The following GRM3 variants were observed in gnomAD, a reference collection of about 807,000 sequenced individuals.
The protein encoded by GRM3 is glutamate metabotropic receptor 3.
Under a neutral mutation model 70.5 loss-of-function variants are expected in GRM3, and 26 were observed. The ratio of observed to expected loss-of-function variants is 0.37; its 90% confidence interval spans 0.27 to 0.51. GRM3 has a LOEUF of 0.51. GRM3 is among the 20% of genes least tolerant of loss of function. The pLI, the probability that GRM3 is intolerant of heterozygous loss-of-function variation, is 0.93. For synonymous variants in GRM3, 443 were observed against 434.9 expected (o/e 1.02, Z -0.23); for missense variants, 859 against 1,123.8 (o/e 0.76, Z 3.37).
At chr7:86,734,235 A>C (rs1470990267) in intron 1 of GRM3, among the ~76,000 whole-genome samples, 4 of 152,176 alleles carry the variant, frequency 2.6e-5, no homozygotes, top group African/African-American at 9.7e-5. Flanking sequence ...GTGTTGAAAA[A>C]TCAGTTAAGC....
chr7:86,780,004 G>A (rs938836870), intron 2 of GRM3, among the ~76,000 whole-genome samples: 1 of 130,560 alleles, frequency 7.7e-6, no homozygotes, highest in African/African-American at 3.5e-5. Flanking sequence ...ATAGTTTGCT[G>A]AGAATGATGG....
At chr7:86,798,253 A>C (rs920040511) in intron 3 of GRM3, among the ~76,000 whole-genome samples, 2 of 152,114 alleles carry the variant, frequency 1.3e-5, no homozygotes, top group African/African-American at 4.8e-5. Flanking sequence ...TACAGCTTGC[A>C]CTGTGCACCT....
At chr7:86,861,214 T>C (rs959624790) in intron 5 of GRM3, among the ~76,000 whole-genome samples, 1 of 152,232 alleles carries the variant, frequency 6.6e-6, no homozygotes, top group East Asian at 1.9e-4. Context: ...ATAGGCTTCA[T>C]GTTTGCTGGT....
At chr7:86,734,359 G>A (rs1485312250) in intron 1 of GRM3, among the ~76,000 whole-genome samples, 2 of 152,084 alleles carry the variant, frequency 1.3e-5, no homozygotes, top group African/African-American at 2.4e-5. Flanking sequence ...AGAAGTATTA[G>A]GCAACACTCA....
chr7:86,797,054 A>G (rs954536664), intron 3 of GRM3, among the ~76,000 whole-genome samples: 2 of 152,198 alleles, frequency 1.3e-5, no homozygotes, highest in Non-Finnish European at 2.9e-5. Flanking sequence ...TCCATTCAAC[A>G]TCTTTTTCTT....
At chr7:86,711,574 C>A (rs572511689) in intron 1 of GRM3, among the ~76,000 whole-genome samples, 2 of 152,228 alleles carry the variant, frequency 1.3e-5, no homozygotes, top group South Asian at 4.1e-4. Context: ...TATCTTTTAG[C>A]TGCCAAATAT....
chr7:86,783,827 G>A (rs774103106), intron 2 of GRM3, among the ~76,000 whole-genome samples: 9 of 152,028 alleles, frequency 5.9e-5, no homozygotes, highest in Admixed American at 2.6e-4. Context: ...TCTGAATATC[G>A]TAAGTTTGAC....
At chr7:86,676,450 GA>G (rs1794308589) in intron 1 of GRM3, among the ~76,000 whole-genome samples, 1 of 151,806 alleles carries the variant, frequency 6.6e-6, no homozygotes, top group Non-Finnish European at 1.5e-5. Flanking sequence ...TGGGGACTGT[GA>G]AAAATACATC....
intron 1 of GRM3, among the ~76,000 whole-genome samples, chr7:86,738,471 GC>G (rs1228413642): frequency 3.3e-5 from 5 of 152,250 alleles, no homozygotes; most frequent in Non-Finnish European, 5.9e-5. Flanking sequence ...CAAATATAAA[GC>G]CATATTCTAC....
At chr7:86,651,410 C>G (rs949332310) in intron 1 of GRM3, among the ~76,000 whole-genome samples, 8 of 152,066 alleles carry the variant, frequency 5.3e-5, no homozygotes, top group Admixed American at 3.9e-4. Context: ...TTCAATGAAC[C>G]ATGTCTTGGT....
Position 86,864,792 on chromosome 7 carries a change from G to GTAA in GRM3, c.*438_*440dup, listed in dbSNP as rs1307845742. Reference sequence around the variant, plus strand: ...GTTGTATATTAAAGTTACATTATGTGTAACAGATTGATTTTCTCAGCACAA... The same window carrying GTAA: ...GTTGTATATTAAAGTTACATTATGTGTAATAACAGATTGATTTTCTCAGCACAA... On this transcript the variant is annotated 3_prime_UTR_variant, in exon 6 of 6. Transcript: ENST00000361669. 2 of 153,650 alleles carry GTAA rather than the reference G, an allele frequency of 1.3e-5. No homozygotes were observed. Among genetic ancestry groups the GTAA allele is most frequent in the African/African-American group, 4.8e-5 (2 of 41,416 alleles). The allele number at this position is 153,650 out of a possible 1,614,324, so 9.5% of individuals were successfully genotyped here.
Position 86,664,413 on chromosome 7 carries a change from G to C in GRM3, c.-141+19541G>C, listed in dbSNP as rs147940130. Among the ~76,000 whole-genome samples the C allele has an allele frequency of 3.5e-3, 531 of 152,042 alleles. 4 individuals carry two copies. Among genetic ancestry groups the C allele is most frequent in the African/African-American group, 0.012 (505 of 41,496 alleles). On this transcript the variant is annotated intron_variant, in intron 1 of 5. Coordinates refer to ENST00000361669, the MANE Select transcript of GRM3 (RefSeq NM_000840.3). ...TGTTCAGGACATATATAATGAATCAGTTGAGCACTCAATAATAAGCATTTA... is the reference window on the plus strand; with the variant it reads ...TGTTCAGGACATATATAATGAATCACTTGAGCACTCAATAATAAGCATTTA...
At chr7:86,728,045 A>G (rs766283749) in intron 1 of GRM3, among the ~76,000 whole-genome samples, 1 of 152,188 alleles carries the variant, frequency 6.6e-6, no homozygotes, top group Non-Finnish European at 1.5e-5. Context: ...TAAATAATAT[A>G]TTCTGTAGAC....
In GRM3 at chr7:86,839,568, C is replaced by A. The variant is rs1327402329; in HGVS notation, c.2054C>A (p.Pro685His). ...GCTCAGAGGCCAAAATTCATCAGCC[C>A]CAGTTCTCAGGTTTTCATCTGCCTG... is the stretch of plus-strand genomic sequence containing the variant. ...NGAQRPKFIS[P>H]SSQVFICLGL... is the part of the protein sequence containing the mutation. The change falls in exon 4 of 6, where the codon CCC becomes CAC. Residue 685 changes from proline (P) to histidine (H), a missense_variant. By Grantham distance (77) the Pro-to-His change is moderately conservative (BLOSUM62 -2). Coordinates refer to ENST00000361669, the MANE Select transcript of GRM3 (RefSeq NM_000840.3). This position sits in a 1 kb window ranked among gnomAD's most constrained non-coding sequence, Gnocchi z 4.5. 7 of 1,611,580 alleles carry A rather than the reference C, an allele frequency of 4.3e-6. No homozygotes were observed. Among genetic ancestry groups the A allele is most frequent in the Non-Finnish European group, 5.1e-6 (6 of 1,178,574 alleles).
intron 5 of GRM3, among the ~76,000 whole-genome samples, chr7:86,852,606 T>C (rs988591918): frequency 3.9e-5 from 6 of 152,150 alleles, no homozygotes; most frequent in African/African-American, 1.4e-4. Flanking sequence ...ATAAACTTTT[T>C]TTTAAAAAAG....
chr7:86,817,975 T>A (rs1393409758), intron 3 of GRM3, among the ~76,000 whole-genome samples: 1 of 151,912 alleles, frequency 6.6e-6, no homozygotes. Flanking sequence ...TGCACACATA[T>A]ATACAACATA....
intron 1 of GRM3, among the ~76,000 whole-genome samples, chr7:86,672,462 G>T (rs929098800): frequency 1.3e-5 from 2 of 152,132 alleles, no homozygotes; most frequent in African/African-American, 4.8e-5. Flanking sequence ...TATGGGGCAC[G>T]TTTATATTGT....
At chr7:86,696,741 C>G (rs1287019184) in intron 1 of GRM3, among the ~76,000 whole-genome samples, 1 of 152,020 alleles carries the variant, frequency 6.6e-6, no homozygotes, top group Non-Finnish European at 1.5e-5. Context: ...GCAGTGGTAG[C>G]TCCTGCTACG....
At chr7:86,744,549 C>T (rs1202827989) in intron 1 of GRM3, among the ~76,000 whole-genome samples, 1 of 151,680 alleles carries the variant, frequency 6.6e-6, no homozygotes, top group Non-Finnish European at 1.5e-5. Context: ...CAACAGGCCA[C>T]ATGTCATGGG....
Sources: gnomAD v4.1 joint callset for allele counts (sites outside exome capture counted in the v4.1 genomes callset) on GRCh38, gnomAD v4.1.1 for gene constraint, Gnocchi (gnomAD v3.1) non-coding constraint, MANE v1.5 for transcripts, NCBI Gene and HGNC (gene_info 2026-07-23, HGNC 2026-07-21) for gene names.